Variants in SERPINI2 observed in about 807,000 individuals in gnomAD.
SERPINI2 encodes the protein serpin family I member 2.
SERPINI2 carries 48 observed loss-of-function variants against 47.3 expected under a neutral mutation model. That is an observed-to-expected ratio of 1.02 (90% CI 0.81 to 1.29). The LOEUF is 1.29. SERPINI2 is among the 50% of genes most tolerant of loss of function. The pLI is 0.00. For missense variants in SERPINI2, 448 were observed against 456.9 expected, an observed-to-expected ratio of 0.98 and a Z score of 0.18; for synonymous variants, 135 against 149.3, an observed-to-expected ratio of 0.90 and a Z score of 0.70.
chr3:167,442,551 T>C (rs540690328), intron 8 of SERPINI2, among the ~76,000 whole-genome samples: 6 of 152,188 alleles, frequency 3.9e-5, no homozygotes, highest in African/African-American at 1.4e-4. Context: ...GAGTTTTAAA[T>C]TTAAGGCATT....
chr3:167,453,060 A>G (rs1449345083), intron 5 of SERPINI2, 27 bp from the exon 6 acceptor site: 19 of 1,349,260 alleles, frequency 1.4e-5, no homozygotes, highest in Non-Finnish European at 2.0e-5. Context: ...AAGAAAAAGA[A>G]AAGTCTTGAA....
chr3:167,473,050 G>A (rs1577180655), intron 1 of SERPINI2, among the ~76,000 whole-genome samples: 1 of 151,570 alleles, frequency 6.6e-6, no homozygotes, highest in South Asian at 2.1e-4. Flanking sequence ...ATAAATGGTA[G>A]GAGTCCCTAA....
chr3:167,475,730 G>GC (rs1560238908), upstream of SERPINI2, among the ~76,000 whole-genome samples: 1 of 149,072 alleles, frequency 6.7e-6, no homozygotes, highest in Non-Finnish European at 1.5e-5. Context: ...AATCGGGGTG[G>GC]GGGGAGAATT....
chr3:167,468,177 T>G (rs1164405264), intron 2 of SERPINI2, among the ~76,000 whole-genome samples: 1 of 152,134 alleles, frequency 6.6e-6, no homozygotes. Flanking sequence ...GGGCCTTCAT[T>G]ATATTTTCAG....
upstream of SERPINI2, among the ~76,000 whole-genome samples, chr3:167,476,790 G>A (rs558155522): frequency 2.6e-5 from 4 of 152,040 alleles, no homozygotes; most frequent in East Asian, 1.9e-4. Flanking sequence ...GTGAATACCC[G>A]GAACCTAAAA....
At chr3:167,476,032 T>C (rs572394771), upstream of SERPINI2, among the ~76,000 whole-genome samples, 1 of 150,980 alleles carries the variant, frequency 6.6e-6, no homozygotes, top group East Asian at 1.9e-4. Context: ...TCCTAAATTT[T>C]GAGTGATAAT....
At chr3:167,460,621 GA>G (rs919690924) in intron 5 of SERPINI2, among the ~76,000 whole-genome samples, 1 of 152,028 alleles carries the variant, frequency 6.6e-6, no homozygotes, top group Non-Finnish European at 1.5e-5. Flanking sequence ...AATTTAGAAA[GA>G]AAAAAATCTC....
chr3:167,465,803 T>C (rs1560235496), intron 3 of SERPINI2, 130 bp from the exon 4 acceptor site: 8 of 681,518 alleles, frequency 1.2e-5, no homozygotes, highest in Non-Finnish European at 1.9e-5. Context: ...ATCATCTAAA[T>C]ATGGTAATTT....
intron 5 of SERPINI2, among the ~76,000 whole-genome samples, chr3:167,458,285 C>T (rs1370230775): frequency 7.8e-6 from 1 of 128,270 alleles, no homozygotes; most frequent in Non-Finnish European, 1.6e-5. Context: ...GAGTCTCACT[C>T]TGTCGCCCAG....
chr3:167,458,308 TGG>T, intron 5 of SERPINI2, among the ~76,000 whole-genome samples: 1 of 148,270 alleles, frequency 6.7e-6, no homozygotes. Flanking sequence ...TGGAGTGCAG[TGG>T]CATGATCTGG....
intron 6 of SERPINI2, among the ~76,000 whole-genome samples, chr3:167,451,523 T>C (rs758718218): frequency 6.6e-6 from 1 of 152,234 alleles, no homozygotes; most frequent in Non-Finnish European, 1.5e-5. Flanking sequence ...ACTATTCTAT[T>C]CTAGGCAATA....
intron 5 of SERPINI2, among the ~76,000 whole-genome samples, chr3:167,464,384 A>G (rs1037450572): frequency 6.6e-6 from 1 of 152,082 alleles, no homozygotes; most frequent in Non-Finnish European, 1.5e-5. Flanking sequence ...GATAAAGGAG[A>G]CAAAAACATT....
At chr3:167,456,194 T>A (rs1749788178) in intron 5 of SERPINI2, among the ~76,000 whole-genome samples, 1 of 113,768 alleles carries the variant, frequency 8.8e-6, no homozygotes, top group African/African-American at 3.1e-5. Flanking sequence ...GTGTGTAAAA[T>A]AATTAAAATA....
chr3:167,446,482 C>T lies in SERPINI2; in HGVS notation c.1052-1G>A. 1 of 1,569,050 alleles carries T rather than the reference C, an allele frequency of 6.4e-7. No homozygotes were observed. Among genetic ancestry groups the T allele is most frequent in the Non-Finnish European group, 8.7e-7 (1 of 1,148,038 alleles). On this transcript the variant is annotated splice_acceptor_variant, in intron 7 of 8. Coordinates refer to ENST00000264677, the Ensembl canonical transcript of SERPINI2. LOFTEE classifies it high-confidence loss of function. ...CTCATGATCACAGGGATGTGTATGCCTATAAAATAGAGACAACAGTTATTT... is the reference window on the plus strand; with the variant it reads ...CTCATGATCACAGGGATGTGTATGCTTATAAAATAGAGACAACAGTTATTT...
rs867035674 is a variant in SERPINI2, at chr3:167,462,642, G to T, written c.866+2564C>A. ...ACTTCACCATATGAATTTGGGTGGG[G>T]GGATGCAATTCAACCCATAACAGTT... On this transcript the variant is annotated intron_variant, in intron 5 of 8. Coordinates refer to ENST00000264677, the Ensembl canonical transcript of SERPINI2. Among the ~76,000 whole-genome samples, 9 of 152,146 alleles carry T rather than the reference G, an allele frequency of 5.9e-5. No homozygotes were observed. In the South Asian group the frequency reaches 1.9e-3, roughly 32 times the overall value.
chr3:167,449,624 G>A (rs113905752), intron 6 of SERPINI2, among the ~76,000 whole-genome samples: 6,923 of 152,106 alleles, frequency 0.046, 528 homozygotes, highest in African/African-American at 0.16. Context: ...CTCCCAAGTA[G>A]TTGGGATTAT....
chr3:167,463,749 G>T (rs1487835736), intron 5 of SERPINI2, among the ~76,000 whole-genome samples: 1 of 152,118 alleles, frequency 6.6e-6, no homozygotes, highest in Non-Finnish European at 1.5e-5. Flanking sequence ...AGAGGAGAAA[G>T]TTTACCTGAT....
upstream of SERPINI2, among the ~76,000 whole-genome samples, chr3:167,474,421 G>A (rs1750433682): frequency 6.6e-6 from 1 of 151,638 alleles, no homozygotes; most frequent in Non-Finnish European, 1.5e-5. Flanking sequence ...ATTTCAGAAT[G>A]CCTATGAGAA....
chr3:167,471,611 A>C lies in SERPINI2; in HGVS notation c.224T>G (p.Leu75Ter). ...ACCAGCTGAGGTTTCCTGTTGTTTT[A>C]AAGTTTGTCTTATCTGCTGCTGTGC... is the stretch of plus-strand genomic sequence containing the variant. Residue 75 changes from leucine (L) to a stop codon, truncating the protein, a stop_gained, in exon 2 of 9, where the codon TTA (leucine) becomes TGA (stop). Coordinates refer to ENST00000264677, the Ensembl canonical transcript of SERPINI2. LOFTEE classifies it high-confidence loss of function. 6.2e-7 allele frequency: 1 copy of C among 1,613,498 alleles called. No homozygotes were observed. Among genetic ancestry groups the C allele is most frequent in the Non-Finnish European group, 8.5e-7 (1 of 1,179,670 alleles).
Sources: gnomAD v4.1 joint callset for allele counts (sites outside exome capture counted in the v4.1 genomes callset) on GRCh38, gnomAD v4.1.1 for gene constraint, MANE v1.5 for transcripts, NCBI Gene and HGNC (gene_info 2026-07-23, HGNC 2026-07-21) for gene names.